Variants in TLK1 observed in about 807,000 individuals in gnomAD.
TLK1 encodes the protein serine/threonine-protein kinase tousled-like 1.
Under a neutral mutation model 105.3 loss-of-function variants are expected in TLK1, and 24 were observed. That is an observed-to-expected ratio of 0.23 (90% CI 0.17 to 0.32). The LOEUF (loss-of-function observed/expected upper bound fraction) is 0.32, where lower values mean the gene tolerates loss of function less well. TLK1 is among the 10% of genes least tolerant of loss of function. The pLI, the probability that TLK1 is intolerant of heterozygous loss-of-function variation, is 1.00. For synonymous variants in TLK1, 321 were observed against 310.4 expected, an observed-to-expected ratio of 1.03 and a Z score of -0.36; for missense variants, 558 against 910.5, an observed-to-expected ratio of 0.61 and a Z score of 4.98.
intron 20 of TLK1, 78 bp downstream of exon 20, chr2:170,996,575 G>A: frequency 8.3e-7 from 1 of 1,198,372 alleles, no homozygotes; most frequent in South Asian, 1.4e-5. Context: ...TTACTTACTG[G>A]AAAGTACTTA....
intron 1 of TLK1, among the ~76,000 whole-genome samples, chr2:171,192,507 A>G (rs1160619120): frequency 1.3e-5 from 2 of 151,984 alleles, no homozygotes; most frequent in African/African-American, 4.8e-5. Flanking sequence ...GTGAAACCCC[A>G]TCTCTACTAA....
Position 170,993,707 on chromosome 2 carries a change from A to G in TLK1, c.*73T>C. ...AAAAAAAAAGAAAAAGAAAACAAACACTCAAATGCTCTCAAACTTAAGTGT... is the reference window on the plus strand; with the variant it reads ...AAAAAAAAAGAAAAAGAAAACAAACGCTCAAATGCTCTCAAACTTAAGTGT... On this transcript the variant is annotated 3_prime_UTR_variant, in exon 21 of 21. Coordinates refer to ENST00000431350, the MANE Select transcript of TLK1 (RefSeq NM_012290.5). The G allele has an allele frequency of 8.1e-7, 1 of 1,239,480 alleles. No homozygotes were observed. The highest frequency in any genetic ancestry group is 1.1e-6 in the Non-Finnish European group (1 of 932,972). 76.8% of individuals were successfully genotyped at this position (1,239,480 alleles called of 1,614,324 possible). A position where few individuals can be genotyped will look rare whatever the true frequency, so the allele number is the denominator to read the frequency against.
intron 18 of TLK1, among the ~76,000 whole-genome samples, chr2:171,002,931 C>T (rs905659095): frequency 3.3e-5 from 5 of 152,008 alleles, no homozygotes; most frequent in Admixed American, 6.6e-5. Context: ...GCATGAGCCA[C>T]CGTGCACGGC....
intron 11 of TLK1, among the ~76,000 whole-genome samples, chr2:171,031,218 T>C (rs546822751): frequency 3.3e-5 from 5 of 152,292 alleles, no homozygotes; most frequent in African/African-American, 9.6e-5. Flanking sequence ...GTATTAGGGA[T>C]TATTAATACC....
chr2:170,996,494 C>G (rs1366326615), intron 20 of TLK1, among the ~76,000 whole-genome samples, 159 bp downstream of exon 20: 1 of 152,178 alleles, frequency 6.6e-6, no homozygotes, highest in East Asian at 1.9e-4. Context: ...GAGGCTGATG[C>G]AACTCCTTCT....
At chr2:171,195,319 C>T (rs892796806) in intron 1 of TLK1, among the ~76,000 whole-genome samples, 4 of 151,820 alleles carry the variant, frequency 2.6e-5, no homozygotes, top group African/African-American at 9.7e-5. Context: ...CTGGCTAACA[C>T]GGTGAAACCC....
intron 11 of TLK1, among the ~76,000 whole-genome samples, chr2:171,034,876 A>AT (rs1386632993): frequency 1.3e-5 from 2 of 152,116 alleles, no homozygotes; most frequent in African/African-American, 4.8e-5. Context: ...TATACTTAGT[A>AT]TAAGTATAAT....
intron 2 of TLK1, among the ~76,000 whole-genome samples, chr2:171,089,536 TC>T (rs1689132869): frequency 6.6e-6 from 1 of 152,236 alleles, no homozygotes; most frequent in African/African-American, 2.4e-5. Context: ...ATCAACTCTT[TC>T]CCACTGCACT....
rs769968088 is a variant in TLK1 at position 170,997,666 on chromosome 2, CTTAAT to C, written c.2016+41_2016+45del. 36 of 1,275,978 alleles carry C rather than the reference CTTAAT, an allele frequency of 2.8e-5. 1 individual carries two copies. The South Asian group carries it at 5.9e-4, about 21-fold the overall frequency. The allele number at this position is 1,275,978 out of a possible 1,614,324, so 79.0% of individuals were successfully genotyped here. A position where few individuals can be genotyped will look rare whatever the true frequency, so the allele number is the denominator to read the frequency against. On this transcript the variant is annotated intron_variant, in intron 19 of 20. Transcript: ENST00000431350. The stretch of plus-strand genomic sequence containing the variant: ...TTGCTTTTAAGAAGGAAAAATTCAA[CTTAAT>C]TTATCTCTGTAGAGCTGAAGGCTGG...
At chr2:171,031,000 C>T (rs1575531947) in intron 11 of TLK1, among the ~76,000 whole-genome samples, 1 of 130,402 alleles carries the variant, frequency 7.7e-6, no homozygotes, top group African/African-American at 2.8e-5. Flanking sequence ...GGCAGTGATT[C>T]TTACCATTTT....
chr2:171,043,361 G>A (rs1167184523), intron 11 of TLK1, among the ~76,000 whole-genome samples: 2 of 152,188 alleles, frequency 1.3e-5, no homozygotes, highest in East Asian at 3.8e-4. Context: ...TGAAGTAGAA[G>A]TACTGAGTGA....
At chr2:171,117,053 C>T (rs899908967) in intron 2 of TLK1, among the ~76,000 whole-genome samples, 1 of 152,110 alleles carries the variant, frequency 6.6e-6, no homozygotes, top group African/African-American at 2.4e-5. Flanking sequence ...CACAGCAATA[C>T]CTAATCTTTT....
intron 3 of TLK1, among the ~76,000 whole-genome samples, chr2:171,075,420 A>C (rs1688456107): frequency 6.6e-6 from 1 of 152,212 alleles, no homozygotes; most frequent in African/African-American, 2.4e-5. Flanking sequence ...AAAATGGTGG[A>C]AAACTACTTT....
intron 7 of TLK1, 183 bp downstream of exon 7, chr2:171,054,900 T>C (rs944499819): frequency 7.9e-6 from 3 of 379,390 alleles, no homozygotes; most frequent in Non-Finnish European, 1.4e-5. Context: ...TGATAGTAAA[T>C]TGTGTGTTTC....
chr2:171,010,893 G>A (rs920699056), intron 14 of TLK1, among the ~76,000 whole-genome samples: 2 of 152,132 alleles, frequency 1.3e-5, no homozygotes, highest in African/African-American at 2.4e-5. Context: ...AATATCACAG[G>A]GACTGTGCAG....
chr2:171,005,408 C>T (rs1349548485), intron 18 of TLK1, among the ~76,000 whole-genome samples: 1 of 152,084 alleles, frequency 6.6e-6, no homozygotes, highest in African/African-American at 2.4e-5. Context: ...AAAGAATATG[C>T]CAAATTTATC....
intron 13 of TLK1, among the ~76,000 whole-genome samples, chr2:171,012,254 G>A (rs1055052530): frequency 3.3e-5 from 5 of 152,020 alleles, no homozygotes; most frequent in South Asian, 2.1e-4. Flanking sequence ...CAACTTGTGC[G>A]TTTTATGCTC....
chr2:171,154,889 C>T (rs1692175158), intron 1 of TLK1, among the ~76,000 whole-genome samples: 1 of 151,940 alleles, frequency 6.6e-6, no homozygotes, highest in African/African-American at 2.4e-5. Flanking sequence ...TAAATTGACC[C>T]CAAGAAAGTT....
intron 1 of TLK1, among the ~76,000 whole-genome samples, chr2:171,134,851 T>C (rs537720792): frequency 1.0e-3 from 156 of 149,558 alleles, no homozygotes; most frequent in African/African-American, 3.8e-3. Context: ...TCCTTCCACC[T>C]AAGCCTCCCA....
Sources: gnomAD v4.1 joint callset for allele counts (sites outside exome capture counted in the v4.1 genomes callset) on GRCh38, gnomAD v4.1.1 for gene constraint, MANE v1.5 for transcripts, NCBI Gene and HGNC (gene_info 2026-07-23, HGNC 2026-07-21) for gene names.